Variants in CSMD1 observed in about 807,000 individuals in gnomAD.
CSMD1 encodes the protein CUB and Sushi multiple domains 1, also known as CUB and sushi domain-containing protein 1.
CSMD1 carries 213 observed loss-of-function variants against 417.5 expected under a neutral mutation model. The observed-to-expected ratio is 0.51, with a 90% CI of 0.46 to 0.57. The LOEUF (loss-of-function observed/expected upper bound fraction) is 0.57, where lower values mean the gene tolerates loss of function less well. Ranked by LOEUF, CSMD1 falls within the 20% of genes least tolerant of loss-of-function variation. CSMD1 has a pLI of 0.00. For missense variants in CSMD1, 6,923 were observed against 4,529.7 expected (o/e 1.53, Z -15.17); for synonymous variants, 2,862 against 1,736.8 (o/e 1.65, Z -16.11).
intron 5 of CSMD1, among the ~76,000 whole-genome samples, chr8:3,946,113 G>C (rs1365556289): frequency 1.3e-5 from 2 of 152,022 alleles, no homozygotes; most frequent in East Asian, 3.9e-4. Context: ...TTGCACCTTG[G>C]AACTGATTCC....
chr8:4,430,984 C>T (rs969467046), intron 2 of CSMD1, among the ~76,000 whole-genome samples: 2 of 152,104 alleles, frequency 1.3e-5, no homozygotes, highest in African/African-American at 4.8e-5. Flanking sequence ...CTTTTCTCCC[C>T]TCAGTTATGC....
chr8:4,213,517 G>A (rs540805695), intron 3 of CSMD1, among the ~76,000 whole-genome samples: 43 of 152,312 alleles, frequency 2.8e-4, no homozygotes, highest in Admixed American at 8.5e-4. Flanking sequence ...TTGGTGGTGC[G>A]TTAATGTAGA....
intron 2 of CSMD1, among the ~76,000 whole-genome samples, chr8:4,507,556 T>C (rs1252102584): frequency 6.6e-6 from 1 of 152,224 alleles, no homozygotes; most frequent in Non-Finnish European, 1.5e-5. Flanking sequence ...TCAATTCTTA[T>C]GCATGGACAT....
chr8:4,023,698 T>C (rs758302603), intron 4 of CSMD1, among the ~76,000 whole-genome samples: 55 of 148,880 alleles, frequency 3.7e-4, no homozygotes, highest in Non-Finnish European at 7.4e-5. Context: ...GCCATTCTCC[T>C]GCCTCAGCCT....
rs191468735 is a variant in CSMD1, at chr8:3,589,079, A to G, written c.1098-2819T>C. On this transcript the variant is annotated intron_variant, in intron 8 of 69. Coordinates refer to ENST00000635120, the MANE Select transcript of CSMD1 (RefSeq NM_033225.6). The stretch of plus-strand genomic sequence containing the variant: ...GCTATTATCAAAAAGACAAAAAATA[A>G]TAAGTGTTGGTGAGGATGTGGAGAA... Among the ~76,000 whole-genome samples the G allele has an allele frequency of 4.6e-3, 701 of 152,270 alleles. 10 individuals carry two copies. Among genetic ancestry groups the G allele is most frequent in the African/African-American group, 0.016 (649 of 41,574 alleles).
At chr8:3,080,829 G>A (rs1814037355) in intron 49 of CSMD1, among the ~76,000 whole-genome samples, 1 of 152,090 alleles carries the variant, frequency 6.6e-6, no homozygotes, top group African/African-American at 2.4e-5. Flanking sequence ...GGGCTCCCTG[G>A]CCTTTTGGGG....
chr8:3,077,481 G>A (rs1251140919), intron 49 of CSMD1, among the ~76,000 whole-genome samples: 1 of 152,212 alleles, frequency 6.6e-6, no homozygotes, highest in Admixed American at 6.5e-5. Context: ...TCAGAGCAAA[G>A]CACTCATTCT....
At chr8:4,369,067 C>G (rs1162489515) in intron 3 of CSMD1, among the ~76,000 whole-genome samples, 1 of 152,012 alleles carries the variant, frequency 6.6e-6, no homozygotes, top group African/African-American at 2.4e-5. Flanking sequence ...TTTTTGACTT[C>G]TTGATATAGA....
intron 7 of CSMD1, among the ~76,000 whole-genome samples, chr8:3,657,946 C>T (rs1006269041): frequency 2.6e-5 from 4 of 152,074 alleles, no homozygotes; most frequent in African/African-American, 9.7e-5. Context: ...AGGGACCTTA[C>T]ATCATTGTTG....
intron 50 of CSMD1, among the ~76,000 whole-genome samples, chr8:3,039,101 G>A (rs1393803798): frequency 1.3e-5 from 2 of 152,194 alleles, no homozygotes; most frequent in African/African-American, 4.8e-5. Flanking sequence ...CTTAGAGAAA[G>A]TGGGTGGTTG....
intron 5 of CSMD1, among the ~76,000 whole-genome samples, chr8:3,924,232 G>A (rs1423398486): frequency 6.6e-6 from 1 of 152,164 alleles, no homozygotes. Flanking sequence ...CTGGTCTTCA[G>A]AAAGATGCTG....
chr8:3,970,750 TTG>T (rs1338635919), intron 5 of CSMD1, among the ~76,000 whole-genome samples: 4 of 152,092 alleles, frequency 2.6e-5, no homozygotes, highest in Non-Finnish European at 5.9e-5. Flanking sequence ...ATCTTGTTTT[TTG>T]TTTTTTTGTT....
chr8:4,576,527 A>G (rs1029531691), intron 2 of CSMD1, among the ~76,000 whole-genome samples: 1 of 152,172 alleles, frequency 6.6e-6, no homozygotes, highest in Non-Finnish European at 1.5e-5. Flanking sequence ...CTATACCAAG[A>G]TAGCAAGGAC....
At chr8:4,928,024 T>G (rs867971649) in intron 1 of CSMD1, among the ~76,000 whole-genome samples, 2 of 152,192 alleles carry the variant, frequency 1.3e-5, no homozygotes, top group Non-Finnish European at 2.9e-5. Context: ...GCGGCAAAAG[T>G]AGAAATCCTT....
Position 3,407,997 on chromosome 8 carries a change from T to G in CSMD1, c.1973A>C (p.Glu658Ala). The stretch of plus-strand genomic sequence containing the variant: ...ACTGCTGGCCAGCTGGGAAGGCACT[T>G]CATTGCCAGAAAAAGTACCCAGGAC... Reference protein sequence around the residue: ...ITVLGTFSGNEVPSQLASSGH... With the variant: ...ITVLGTFSGNAVPSQLASSGH... The change falls in exon 14 of 70, where the codon GAA (glutamate) becomes GCA (alanine). Residue 658 changes from glutamate to alanine, a missense_variant. By Grantham distance (107) the Glu-to-Ala change is moderately radical. Coordinates refer to ENST00000635120, the MANE Select transcript of CSMD1 (RefSeq NM_033225.6). The G allele has an allele frequency of 6.2e-7, 1 of 1,613,886 alleles. No homozygotes were observed. The highest frequency in any genetic ancestry group is 1.3e-5 in the African/African-American group (1 of 75,020).
At chr8:4,698,476 T>C (rs1275475931) in intron 1 of CSMD1, among the ~76,000 whole-genome samples, 4 of 152,118 alleles carry the variant, frequency 2.6e-5, no homozygotes, top group South Asian at 2.1e-4. Context: ...CATAAGGCAG[T>C]TGGGATAGAA....
Position 2,973,299 on chromosome 8 carries a change from C to T in CSMD1, c.8741G>A (p.Gly2914Glu). The T allele has an allele frequency of 6.2e-7, 1 of 1,613,368 alleles. No individual in the cohort carries two copies. Among genetic ancestry groups the T allele is most frequent in the Non-Finnish European group, 8.5e-7 (1 of 1,179,480 alleles). The change falls in exon 57 of 70, where the codon GGA becomes GAA. Residue 2914 changes from glycine (G) to glutamate (E), a missense_variant and splice_region_variant. Transcript: ENST00000635120. ...HWSGALPHCT[G>E]NNPGFCGDPG... Reference sequence around the variant, plus strand: ...ATCACCACAGAATCCAGGATTATTTCCTATTGAAAACAAACACATACGGCA... The same window carrying T: ...ATCACCACAGAATCCAGGATTATTTTCTATTGAAAACAAACACATACGGCA...
intron 28 of CSMD1, among the ~76,000 whole-genome samples, chr8:3,221,259 T>G (rs112641587): frequency 8.6e-4 from 131 of 152,260 alleles, no homozygotes; most frequent in African/African-American, 3.1e-3. Context: ...ATATACTTAT[T>G]AAAGGAAATT....
intron 6 of CSMD1, among the ~76,000 whole-genome samples, chr8:3,741,006 G>C (rs796163185): frequency 1.3e-5 from 2 of 151,964 alleles, no homozygotes; most frequent in African/African-American, 2.4e-5. Context: ...CCTCAGGTCA[G>C]GATTTCCAGA....
Sources: gnomAD v4.1 joint callset for allele counts (sites outside exome capture counted in the v4.1 genomes callset) on GRCh38, gnomAD v4.1.1 for gene constraint, MANE v1.5 for transcripts, NCBI Gene and HGNC (gene_info 2026-07-23, HGNC 2026-07-21) for gene names.